The following RARG variants were observed in gnomAD, a reference collection of about 807,000 sequenced individuals.
RARG encodes RAR-gamma.
In RARG, 17 loss-of-function variants were observed where a neutral mutation model predicts 43.7. That is an observed-to-expected ratio of 0.39 (90% confidence interval 0.27 to 0.58). RARG has a LOEUF of 0.58. Ranked by LOEUF, RARG falls within the 20% of genes least tolerant of loss-of-function variation. The pLI is 0.57. For synonymous variants in RARG, 238 were observed against 236.4 expected, an observed-to-expected ratio of 1.01 and a Z score of -0.06; for missense variants, 346 against 598.7, an observed-to-expected ratio of 0.58 and a Z score of 4.40.
chr12:53,219,809 C>A, intron 3 of RARG: 1 of 739,054 alleles, frequency 1.4e-6, no homozygotes, highest in South Asian at 2.8e-5. Context: ...CGCTGAGGCC[C>A]CCACGTTTAA....
chr12:53,217,364 G>T (rs937616977), intron 3 of RARG, among the ~76,000 whole-genome samples: 6 of 152,286 alleles, frequency 3.9e-5, no homozygotes, highest in Admixed American at 3.9e-4. Context: ...TCCTCCAAGG[G>T]CACGTGTTCT....
At chr12:53,224,790 C>T (rs1943067836) in intron 3 of RARG, among the ~76,000 whole-genome samples, 1 of 152,072 alleles carries the variant, frequency 6.6e-6, no homozygotes, top group Non-Finnish European at 1.5e-5. Flanking sequence ...GCTACCTGCC[C>T]TGGCTCTGGC....
chr12:53,228,901 G>A (rs1943170359), intron 2 of RARG, among the ~76,000 whole-genome samples: 1 of 152,004 alleles, frequency 6.6e-6, no homozygotes, highest in African/African-American at 2.4e-5. Context: ...TCTTATCCCT[G>A]GGCTCCCTGT....
chr12:53,229,850 AAC>A (rs1362478633), intron 2 of RARG: 2 of 741,962 alleles, frequency 2.7e-6, no homozygotes, highest in African/African-American at 3.8e-5. Flanking sequence ...ACCAATGGGA[AAC>A]ACAGGCAGGT....
chr12:53,221,152 C>A (rs1321217059), intron 3 of RARG, among the ~76,000 whole-genome samples: 4 of 149,264 alleles, frequency 2.7e-5, no homozygotes, highest in Non-Finnish European at 4.5e-5. Context: ...TCAGCGCTGC[C>A]GCGGAGTCCC....
At position 53,213,343 on chromosome 12, in the gene RARG, C is replaced by T. The variant is rs1337343091; in HGVS notation, c.1019-100G>A. Reference sequence around the variant, plus strand: ...CAACCGGCGTTTTGGGAAGCCTGTACAGGGTTTCAGAACTCTCTGGATGGG... The same window carrying T: ...CAACCGGCGTTTTGGGAAGCCTGTATAGGGTTTCAGAACTCTCTGGATGGG... On this transcript the variant is annotated intron_variant, in intron 8 of 9. Coordinates refer to ENST00000425354, the MANE Select transcript of RARG (RefSeq NM_000966.6). This position sits in a 1 kb window ranked among gnomAD's most constrained non-coding sequence, Gnocchi z 4.7. The T allele has an allele frequency of 6.7e-7, 1 of 1,485,744 alleles. No homozygotes were observed. Among genetic ancestry groups the T allele is most frequent in the Non-Finnish European group, 9.3e-7 (1 of 1,077,922 alleles). The allele number at this position is 1,485,744 out of a possible 1,614,324, so 92.0% of individuals were successfully genotyped here.
intron 3 of RARG, among the ~76,000 whole-genome samples, chr12:53,218,091 GAC>G (rs142889710): frequency 0.021 from 3,206 of 152,152 alleles, 118 homozygotes; most frequent in African/African-American, 0.073. Flanking sequence ...TCACAAGGCT[GAC>G]ACACAACAGC....
Position 53,215,765 on chromosome 12 carries a change from C to CAGA in RARG, c.213_214insTCT (p.Glu71_Glu72insSer). 1 of 1,611,798 alleles carries CAGA rather than the reference C, an allele frequency of 6.2e-7. No individual in the cohort carries two copies. Among genetic ancestry groups the CAGA allele is most frequent in the Non-Finnish European group, 8.5e-7 (1 of 1,179,168 alleles). ...GGCGAGGGCGAGCTGGGCACCATCT[C>CAGA]CTCTGAGCTGGTGCTCTGTGTCTCC... On this transcript the variant is annotated inframe_insertion, in exon 4 of 10. Coordinates refer to ENST00000425354, the MANE Select transcript of RARG (RefSeq NM_000966.6). This position sits in a 1 kb window ranked among gnomAD's most constrained non-coding sequence, Gnocchi z 6.4.
chr12:53,227,821 G>A lies in RARG; in HGVS notation c.-142-134C>T. On this transcript the variant is annotated intron_variant, in intron 2 of 9. Coordinates refer to ENST00000425354, the MANE Select transcript of RARG (RefSeq NM_000966.6). The surrounding 1 kb of genome is among the most constrained non-coding windows in gnomAD (Gnocchi z 4.3). ...TATCCTGCCCTGGCTCAGGGCCCTT[G>A]CAGTGTGGTAGAGAGGGCACGGCAG... is the stretch of plus-strand genomic sequence containing the variant. 1 of 620,810 alleles carries A rather than the reference G, an allele frequency of 1.6e-6. No individual in the cohort carries two copies. Among genetic ancestry groups the A allele is most frequent in the Non-Finnish European group, 2.3e-6 (1 of 441,276 alleles). The allele number at this position is 620,810 out of a possible 1,614,324, so 38.5% of individuals were successfully genotyped here.
chr12:53,228,860 G>A (rs1276231425), intron 2 of RARG, among the ~76,000 whole-genome samples: 5 of 152,074 alleles, frequency 3.3e-5, no homozygotes, highest in South Asian at 2.1e-4. Flanking sequence ...AGGCGTGAGC[G>A]ACACGCCCGG....
chr12:53,229,882 C>T, intron 2 of RARG: 1 of 905,350 alleles, frequency 1.1e-6, no homozygotes, highest in Non-Finnish European at 1.3e-6. Flanking sequence ...GGGGTCCCCA[C>T]AGAGGGATGC....
chr12:53,214,860 T>A, intron 5 of RARG: 1 of 449,692 alleles, frequency 2.2e-6, no homozygotes, highest in South Asian at 4.0e-5. Flanking sequence ...CCTGTCACCC[T>A]GCAGGAGCTG....
At chr12:53,221,905 C>A (rs961638693) in intron 3 of RARG, among the ~76,000 whole-genome samples, 2 of 151,780 alleles carry the variant, frequency 1.3e-5, no homozygotes, top group Non-Finnish European at 2.9e-5. Context: ...TTCTAAGAAT[C>A]TGTTGTACCG....
chr12:53,214,693 T>A, intron 5 of RARG, 87 bp from the exon 6 acceptor site: 2 of 1,306,008 alleles, frequency 1.5e-6, no homozygotes, highest in Non-Finnish European at 2.1e-6. Context: ...ATATGCTCAG[T>A]CCTTATCATG....
intron 3 of RARG, chr12:53,220,395 G>A (rs1209867510): frequency 6.4e-6 from 1 of 156,418 alleles, no homozygotes; most frequent in Non-Finnish European, 1.3e-5. Flanking sequence ...AAGCCTGGAG[G>A]GGTGGGGGGT....
chr12:53,215,248 G>A lies in RARG; in HGVS notation c.475+45C>T. ...AGAGGAAAGAGGGCCACAGCCATAG[G>A]GTAGGACCGAAGTGCTCCTGCCCAA... On this transcript the variant is annotated intron_variant, in intron 5 of 9. Coordinates refer to ENST00000425354, the MANE Select transcript of RARG (RefSeq NM_000966.6). The surrounding 1 kb of genome is among the most constrained non-coding windows in gnomAD (Gnocchi z 6.4). The A allele has an allele frequency of 6.2e-7, 1 of 1,604,092 alleles. No homozygotes were observed. Among genetic ancestry groups the A allele is most frequent in the Non-Finnish European group, 8.5e-7 (1 of 1,174,698 alleles).
At chr12:53,218,602 G>A (rs1319065316) in intron 3 of RARG, among the ~76,000 whole-genome samples, 3 of 151,664 alleles carry the variant, frequency 2.0e-5, no homozygotes, top group Non-Finnish European at 2.9e-5. Flanking sequence ...CCACCCAAAA[G>A]TAAAGTCAAG....
chr12:53,212,011 T>G (rs1284703872), intron 9 of RARG, 148 bp from the exon 10 acceptor site: 4 of 505,154 alleles, frequency 7.9e-6, no homozygotes, highest in Non-Finnish European at 1.3e-5. Context: ...GCTCATCCTC[T>G]TCTCACTAGG....
In RARG at chr12:53,215,820, G is replaced by T. The variant is rs1398739165; in HGVS notation, c.185-26C>A. 7 of 1,575,460 alleles carry T rather than the reference G, an allele frequency of 4.4e-6. No individual in the cohort carries two copies. The highest frequency in any genetic ancestry group is 6.0e-6 in the Non-Finnish European group (7 of 1,158,992). ...CTGGGAGGGAAGCAGTGATGTGAGG[G>T]TCAGGGGAGAAGGACCCCACAGACC... On this transcript the variant is annotated intron_variant, in intron 3 of 9. Coordinates refer to ENST00000425354, the MANE Select transcript of RARG (RefSeq NM_000966.6). This position sits in a 1 kb window ranked among gnomAD's most constrained non-coding sequence, Gnocchi z 6.4.
Sources: gnomAD v4.1 joint callset for allele counts (sites outside exome capture counted in the v4.1 genomes callset) on GRCh38, gnomAD v4.1.1 for gene constraint, Gnocchi (gnomAD v3.1) non-coding constraint, MANE v1.5 for transcripts, NCBI Gene and HGNC (gene_info 2026-07-23, HGNC 2026-07-21) for gene names.